CHID1: variants seen among roughly 807,000 people sequenced by gnomAD.
The protein encoded by CHID1 is chitinase domain containing 1, also known as chitinase domain-containing protein 1.
Under a neutral mutation model 55.4 loss-of-function variants are expected in CHID1, and 44 were observed. The observed-to-expected ratio is 0.79, with a 90% CI of 0.62 to 1.02. The LOEUF (loss-of-function observed/expected upper bound fraction) is 1.02. CHID1 is among the 50% of genes least tolerant of loss of function. The probability of loss-of-function intolerance (pLI) is 0.00; values close to 1 mark genes in which losing one functional copy is unlikely to be tolerated. For missense variants in CHID1, 491 were observed against 515.3 expected (o/e 0.95, Z 0.46); for synonymous variants, 216 against 212.9 (o/e 1.01, Z -0.13).
chr11:902,091 G>A, intron 4 of CHID1, 107 bp downstream of exon 4: 1 of 1,324,782 alleles, frequency 7.5e-7, no homozygotes, highest in Non-Finnish European at 1.1e-6. Context: ...CTCCCATACA[G>A]AGACACCCAC....
intron 1 of CHID1, among the ~76,000 whole-genome samples, chr11:905,395 C>G (rs139321368): frequency 6.6e-6 from 1 of 152,200 alleles, no homozygotes; most frequent in African/African-American, 2.4e-5. Context: ...GGGCCGGGTG[C>G]GGTGGCTTAT....
chr11:883,181 G>T lies in CHID1; in HGVS notation c.926C>A (p.Ser309Tyr). The T allele has an allele frequency of 1.2e-6, 2 of 1,613,700 alleles. No homozygotes were observed. Among genetic ancestry groups the T allele is most frequent in the Non-Finnish European group, 8.5e-7 (1 of 1,179,634 alleles). ...LNFYGMDYAT[S>Y]KDAREPVVGA... ...GACAACAGGCTCACGGGCATCCTTG[G>T]AGGTCGCGTAGTCCATACCATAGAA... The change falls in exon 10 of 13, where the codon TCC (serine) becomes TAC (tyrosine). Residue 309 changes from serine to tyrosine, a missense_variant. By Grantham distance (144) the Ser-to-Tyr change is moderately radical. Transcript: ENST00000323578.
chr11:893,303 C>T (rs1850977765), intron 8 of CHID1, 124 bp downstream of exon 8: 1 of 739,236 alleles, frequency 1.4e-6, no homozygotes, highest in Non-Finnish European at 2.3e-6. Flanking sequence ...AGCCTCTATA[C>T]AGACGGGATG....
chr11:886,350 TTGGG>T (rs1460884917), intron 8 of CHID1, among the ~76,000 whole-genome samples: 3 of 150,990 alleles, frequency 2.0e-5, no homozygotes, highest in African/African-American at 7.3e-5. Flanking sequence ...TCCCAGCTAC[TTGGG>T]GGGCTGAGGT....
rs1196767816 is a variant in CHID1, at chr11:893,408, T to C, written c.701+19A>G. The C allele has an allele frequency of 8.4e-6, 13 of 1,542,734 alleles. No homozygotes were observed. Among genetic ancestry groups the C allele is most frequent in the Non-Finnish European group, 1.1e-5 (13 of 1,142,362 alleles). ...AGAGCCCTCCACAGCCACCCCCACA[T>C]CTCAAGAGCGGCACTTACCCGGGGG... On this transcript the variant is annotated intron_variant, in intron 8 of 12. Transcript: ENST00000323578.
In CHID1 at chr11:904,848, G is replaced by C; in HGVS notation, c.-32C>G. The C allele has an allele frequency of 6.2e-7, 1 of 1,613,178 alleles. No homozygotes were observed. The highest frequency in any genetic ancestry group is 8.5e-7 in the Non-Finnish European group (1 of 1,179,938). Reference sequence around the variant, plus strand: ...TGTGTCACAGTAGGGTCCAACCTCGGGGTCCAGAGGGCTGCAGGGAAAGCA... The same window carrying C: ...TGTGTCACAGTAGGGTCCAACCTCGCGGTCCAGAGGGCTGCAGGGAAAGCA... On this transcript the variant is annotated 5_prime_UTR_variant, in exon 2 of 13. Coordinates refer to ENST00000323578, the MANE Select transcript of CHID1 (RefSeq NM_023947.4).
chr11:910,953 GGCCGGGGCCGGGGCGGGGCCGC>G (rs908605589), upstream of CHID1: 41 of 431,984 alleles, frequency 9.5e-5, no homozygotes, highest in East Asian at 6.3e-4. Flanking sequence ...CCGGGGCCGG[GGCCGGGGCCGGGGCGGGGCCGC>G]GCCGGGGGCG....
chr11:882,837 A>G (rs749922423), intron 10 of CHID1: 77 of 300,160 alleles, frequency 2.6e-4, no homozygotes, highest in Non-Finnish European at 4.5e-4. Flanking sequence ...CATTCAACCC[A>G]GGAGGCCCCG....
chr11:910,323 G>A (rs1046625460), intron 1 of CHID1, among the ~76,000 whole-genome samples: 2 of 152,120 alleles, frequency 1.3e-5, no homozygotes, highest in African/African-American at 4.8e-5. Flanking sequence ...TACTGCCTCT[G>A]CTCCCTCTGG....
At position 882,049 on chromosome 11, in the gene CHID1, C is replaced by T. The variant is rs547695559; in HGVS notation, c.959+1099G>A. ...AAACAGAGAAAAAAGAATCCCAGCC[C>T]GGTGTGGTGGCTCACCCCTGTAATC... is the stretch of plus-strand genomic sequence containing the variant. On this transcript the variant is annotated intron_variant, in intron 10 of 12. Coordinates refer to ENST00000323578, the MANE Select transcript of CHID1 (RefSeq NM_023947.4). 1.8e-4 allele frequency among the ~76,000 whole-genome samples: 27 copies of T among 151,844 alleles called. No homozygotes were observed. The East Asian group carries it at 2.9e-3, about 16-fold the overall frequency.
chr11:899,811 C>T (rs1350225461), intron 6 of CHID1, among the ~76,000 whole-genome samples, 193 bp downstream of exon 6: 1 of 152,212 alleles, frequency 6.6e-6, no homozygotes, highest in African/African-American at 2.4e-5. Context: ...TCCAGAGGAC[C>T]CATGGTCAAG....
chr11:874,717 G>A (rs1262126985), intron 10 of CHID1: 2 of 152,210 alleles, frequency 1.3e-5, no homozygotes, highest in African/African-American at 4.8e-5. Flanking sequence ...CGGCCTCCCA[G>A]GCTGTAATGA....
intron 8 of CHID1, 52 bp from the exon 9 acceptor site, chr11:884,221 C>A (rs756521843): frequency 1.4e-6 from 2 of 1,458,598 alleles, no homozygotes; most frequent in Non-Finnish European, 1.9e-6. Context: ...GCCTGAAGCC[C>A]CTCCCCAGCT....
intron 10 of CHID1, among the ~76,000 whole-genome samples, chr11:871,826 C>T (rs960675870): frequency 1.7e-4 from 26 of 152,204 alleles, no homozygotes; most frequent in South Asian, 4.1e-4. Flanking sequence ...GCCACAGGAC[C>T]GCACCTCGAG....
intron 10 of CHID1, among the ~76,000 whole-genome samples, chr11:878,592 A>C (rs896204010): frequency 6.6e-6 from 1 of 152,192 alleles, no homozygotes; most frequent in Non-Finnish European, 1.5e-5. Flanking sequence ...TTTCTTTATA[A>C]AGTACTCAGT....
intron 7 of CHID1, among the ~76,000 whole-genome samples, chr11:894,647 CAGG>C (rs1182576165): frequency 6.6e-6 from 1 of 152,180 alleles, no homozygotes; most frequent in Non-Finnish European, 1.5e-5. Flanking sequence ...TAGGGGATGA[CAGG>C]AGGACTGAGA....
intron 10 of CHID1, among the ~76,000 whole-genome samples, chr11:872,825 G>A (rs1055216151): frequency 6.6e-6 from 1 of 152,184 alleles, no homozygotes; most frequent in Non-Finnish European, 1.5e-5. Context: ...GGGCTGTGGG[G>A]AGCTCTGGCC....
At chr11:891,817 C>T (rs185723732) in intron 8 of CHID1, among the ~76,000 whole-genome samples, 1 of 151,972 alleles carries the variant, frequency 6.6e-6, no homozygotes, top group Admixed American at 6.6e-5. Context: ...GAACACAGGT[C>T]AGACATTAGT....
chr11:913,375 G>C (rs1039057565), upstream of CHID1, among the ~76,000 whole-genome samples: 13 of 152,096 alleles, frequency 8.5e-5, no homozygotes, highest in African/African-American at 3.1e-4. Context: ...CCTAAAGCAC[G>C]CAAAAAGGAG....
Sources: gnomAD v4.1 joint callset for allele counts (sites outside exome capture counted in the v4.1 genomes callset) on GRCh38, gnomAD v4.1.1 for gene constraint, MANE v1.5 for transcripts, NCBI Gene and HGNC (gene_info 2026-07-23, HGNC 2026-07-21) for gene names.